The following AP3D1 variants were observed in gnomAD, a reference collection of about 807,000 sequenced individuals.
AP3D1 encodes AP-3 complex subunit delta-1.
In AP3D1, 51 loss-of-function variants were observed where a neutral mutation model predicts 147.6. The ratio of observed to expected loss-of-function variants is 0.35; its 90% CI spans 0.28 to 0.44. The LOEUF is 0.44. Ranked by LOEUF, AP3D1 falls within the 20% of genes least tolerant of loss-of-function variation. The pLI is 1.00. For synonymous variants in AP3D1, 760 were observed against 663.0 expected (o/e 1.15, Z -2.25); for missense variants, 1,421 against 1,624.2 (o/e 0.87, Z 2.15).
intron 19 of AP3D1, 28 bp downstream of exon 19, chr19:2,115,510 G>A (rs772659280): frequency 3.1e-6 from 5 of 1,611,578 alleles, no homozygotes; most frequent in Non-Finnish European, 4.2e-6. Context: ...TGTGACAAAT[G>A]CGGCGCCGAC....
At chr19:2,155,138 G>T (rs930571621), upstream of AP3D1, among the ~76,000 whole-genome samples, 21 of 151,960 alleles carry the variant, frequency 1.4e-4, no homozygotes, top group Non-Finnish European at 2.9e-4. Context: ...CCGAGATCGC[G>T]CCATTGCACT....
chr19:2,158,045 G>T (rs1381065116), intron 1 of AP3D1, among the ~76,000 whole-genome samples: 3 of 151,954 alleles, frequency 2.0e-5, no homozygotes, highest in Admixed American at 6.6e-5. Context: ...TCCCTCCACG[G>T]CTCAGCAGAA....
At chr19:2,137,603 T>C in intron 3 of AP3D1, 124 bp downstream of exon 3, 1 of 830,658 alleles carries the variant, frequency 1.2e-6, no homozygotes. Flanking sequence ...GGCCACTGAA[T>C]CCACCTTGGG....
chr19:2,144,315 T>C (rs890237190), intron 1 of AP3D1, among the ~76,000 whole-genome samples: 20 of 152,164 alleles, frequency 1.3e-4, no homozygotes, highest in South Asian at 2.1e-4. Flanking sequence ...TCCTGCTTTA[T>C]TCTCTTGTTG....
intron 31 of AP3D1, among the ~76,000 whole-genome samples, chr19:2,106,891 G>T (rs1451718419): frequency 6.6e-6 from 1 of 152,166 alleles, no homozygotes; most frequent in Non-Finnish European, 1.5e-5. Flanking sequence ...TGGTGCCAGG[G>T]GCTGGGGAGG....
At chr19:2,109,477 G>T (rs377174488) in intron 29 of AP3D1, 8 of 507,512 alleles carry the variant, frequency 1.6e-5, no homozygotes, top group Non-Finnish European at 2.4e-5. Context: ...CGGATGTCCT[G>T]TAGGAAGGGA....
Position 2,116,350 on chromosome 19 carries a change from C to T in AP3D1, c.2002-72G>A, listed in dbSNP as rs944927144. On this transcript the variant is annotated intron_variant, in intron 17 of 31. Transcript: ENST00000643116. The stretch of plus-strand genomic sequence containing the variant: ...CCCCTCTGTGGACGTCCACCACCAG[C>T]CACCCAGCTGGGGAAGGCTGGATCT... 3 of 1,497,968 alleles carry T rather than the reference C, an allele frequency of 2.0e-6. No homozygotes were observed. In the African/African-American group the frequency reaches 4.2e-5, roughly 21 times the overall value. 92.8% of individuals were successfully genotyped at this position (1,497,968 alleles called of 1,614,324 possible). A position where few individuals can be genotyped will look rare whatever the true frequency, so the allele number is the denominator to read the frequency against.
chr19:2,104,350 A>T (rs1437169662), intron 31 of AP3D1, among the ~76,000 whole-genome samples: 5 of 102,810 alleles, frequency 4.9e-5, no homozygotes, highest in East Asian at 3.2e-4. Context: ...AGACCGCAAC[A>T]CTGAGACGCC....
At chr19:2,131,145 C>T (rs1044161381) in intron 5 of AP3D1, among the ~76,000 whole-genome samples, 5 of 152,392 alleles carry the variant, frequency 3.3e-5, no homozygotes, top group Admixed American at 1.3e-4. Flanking sequence ...CAACACAACA[C>T]GTGAAAAGAA....
chr19:2,137,240 C>G, intron 3 of AP3D1, 149 bp from the exon 4 acceptor site: 1 of 666,182 alleles, frequency 1.5e-6, no homozygotes, highest in Non-Finnish European at 2.6e-6. Flanking sequence ...AAGTGGGAAC[C>G]AACCCGCATT....
chr19:2,159,281 C>T (rs1381840072), intron 1 of AP3D1, among the ~76,000 whole-genome samples: 3 of 149,840 alleles, frequency 2.0e-5, no homozygotes, highest in Non-Finnish European at 3.0e-5. Context: ...TGCAATGGCG[C>T]GATCTCAGCT....
chr19:2,126,558 G>A (rs930085818), intron 9 of AP3D1, among the ~76,000 whole-genome samples: 5 of 151,050 alleles, frequency 3.3e-5, no homozygotes, highest in African/African-American at 1.2e-4. Flanking sequence ...GGAGGCTGAG[G>A]TAGGAGAATG....
At chr19:2,117,451 T>C in intron 15 of AP3D1, 84 bp from the exon 16 acceptor site, 1 of 1,426,782 alleles carries the variant, frequency 7.0e-7, no homozygotes, top group Non-Finnish European at 9.2e-7. Flanking sequence ...GCTCAGCCCC[T>C]GGCACAGTGA....
intron 4 of AP3D1, among the ~76,000 whole-genome samples, chr19:2,133,229 AG>A (rs1398897534): frequency 1.3e-5 from 2 of 152,180 alleles, no homozygotes; most frequent in Admixed American, 6.5e-5. Flanking sequence ...GGAAGGGCCC[AG>A]GAACAGCTCC....
Position 2,118,798 on chromosome 19 carries a change from T to A in AP3D1, c.1516A>T (p.Met506Leu), listed in dbSNP as rs570666570. ...LQEPHHTLEA[M>L]LRPRVTTLPG... ...AGCGTGGTGACTCTGGGCCGCAGCA[T>A]GGCCTCCAAAGTGTGGTGTGGTTCC... The change falls in exon 15 of 32, where the codon ATG (methionine) becomes TTG (leucine). Residue 506 changes from methionine (M) to leucine (L), a missense_variant. This residue lies in a region of AP3D1 where 310 missense variants were observed against 388.1 expected (regional missense o/e 0.80). Transcript: ENST00000643116. 1 of 1,613,676 alleles carries A rather than the reference T, an allele frequency of 6.2e-7. No individual in the cohort carries two copies. The highest frequency in any genetic ancestry group is 8.5e-7 in the Non-Finnish European group (1 of 1,179,994).
intron 14 of AP3D1, among the ~76,000 whole-genome samples, chr19:2,119,801 G>C (rs1001855531): frequency 1.3e-5 from 2 of 151,746 alleles, no homozygotes; most frequent in African/African-American, 4.8e-5. Context: ...CCAGGCTTGA[G>C]CTTGGTGGCA....
chr19:2,116,633 G>A lies in AP3D1; in HGVS notation c.1973C>T (p.Ser658Leu), dbSNP rs769889979. Residue 658 changes from serine (S) to leucine (L), a missense_variant, in exon 17 of 32, where the codon TCG becomes TTG. Around this residue, in one of 6 missense-constraint regions of AP3D1, gnomAD observed 791 missense variants for 761.4 expected, o/e 1.04. Transcript: ENST00000643116. The part of the protein sequence containing the change: ...EEQRRPKHRP[S>L]EADEEELARR... ...AGCCAGCTCTTCCTCGTCCGCCTCC[G>A]ACGGCCGGTGCTTGGGACGCCGCTG... The A allele has an allele frequency of 3.1e-5, 50 of 1,601,284 alleles. No homozygotes were observed. The highest frequency in any genetic ancestry group is 1.2e-4 in the African/African-American group (9 of 74,662).
rs1167255149 is a variant in AP3D1 at position 2,110,001 on chromosome 19, C to T, written c.3265-43G>A. 8.1e-6 allele frequency: 13 copies of T among 1,607,586 alleles called. 1 individual carries two copies. The South Asian group carries it at 1.4e-4, about 18-fold the overall frequency. On this transcript the variant is annotated intron_variant, in intron 28 of 31. Transcript: ENST00000643116. ...TGGTGCAGTTGAGAGGGGAGTCGGGCCCAGCTCAGGGCTCAGGGTTCCCCA... is the reference window on the plus strand; with the variant it reads ...TGGTGCAGTTGAGAGGGGAGTCGGGTCCAGCTCAGGGCTCAGGGTTCCCCA...
rs1229503706 is a variant in AP3D1, at chr19:2,111,409, C to T, written c.2938-77G>A. The T allele has an allele frequency of 7.1e-6, 11 of 1,553,690 alleles. No homozygotes were observed. The East Asian group carries it at 2.3e-4, about 32-fold the overall frequency. On this transcript the variant is annotated intron_variant, in intron 25 of 31. Transcript: ENST00000643116. ...CGAAGACTCCAGTATGGCCCAATAC[C>T]CCAGGTCGAATGCCACGACTCCAAG...
Sources: gnomAD v4.1 joint callset for allele counts (sites outside exome capture counted in the v4.1 genomes callset) on GRCh38, gnomAD v4.1.1 for gene constraint, gnomAD v4.1.1 regional missense constraint, MANE v1.5 for transcripts, NCBI Gene and HGNC (gene_info 2026-07-23, HGNC 2026-07-21) for gene names.